Variants in PIK3R4 observed in about 807,000 individuals in gnomAD.
PIK3R4 encodes the protein phosphoinositide 3-kinase regulatory subunit 4.
In PIK3R4, 46 loss-of-function variants were observed where a neutral mutation model predicts 136.5. That is an observed-to-expected ratio of 0.34 (90% CI 0.27 to 0.43). PIK3R4 has a LOEUF of 0.43. Among genes scored for constraint, PIK3R4 ranks in the 20% least tolerant of loss-of-function variants. The pLI is 1.00. For synonymous variants in PIK3R4, 557 were observed against 566.7 expected (o/e 0.98, Z 0.24); for missense variants, 1,331 against 1,649.5 (o/e 0.81, Z 3.35).
intron 12 of PIK3R4, among the ~76,000 whole-genome samples, chr3:130,704,853 CAG>C (rs2066597977): frequency 6.6e-6 from 1 of 151,898 alleles, no homozygotes; most frequent in Non-Finnish European, 1.5e-5. Context: ...TTTTTTGAGA[CAG>C]AGTCTTGCTC....
At chr3:130,700,352 C>T (rs2066568294) in intron 13 of PIK3R4, among the ~76,000 whole-genome samples, 1 of 152,178 alleles carries the variant, frequency 6.6e-6, no homozygotes, top group Non-Finnish European at 1.5e-5. Flanking sequence ...TTTACTACCA[C>T]CCCAATTTCA....
chr3:130,690,935 T>C (rs979028062), intron 13 of PIK3R4, among the ~76,000 whole-genome samples: 8 of 149,676 alleles, frequency 5.3e-5, no homozygotes, highest in Non-Finnish European at 1.2e-4. Context: ...TCTCACTCTG[T>C]TGCCAGGCTG....
intron 13 of PIK3R4, among the ~76,000 whole-genome samples, chr3:130,703,040 A>C (rs1239019123): frequency 6.6e-6 from 1 of 152,156 alleles, no homozygotes; most frequent in Non-Finnish European, 1.5e-5. Flanking sequence ...ATAGTCTTCT[A>C]ACTGCTTCTG....
intron 13 of PIK3R4, among the ~76,000 whole-genome samples, chr3:130,701,007 T>C (rs1284137633): frequency 3.9e-5 from 6 of 152,152 alleles, no homozygotes; most frequent in Non-Finnish European, 8.8e-5. Flanking sequence ...ATTTGGGGGA[T>C]ATTATCTGAA....
chr3:130,687,777 T>C (rs1409701861), intron 14 of PIK3R4, among the ~76,000 whole-genome samples: 1 of 152,202 alleles, frequency 6.6e-6, no homozygotes, highest in East Asian at 1.9e-4. Flanking sequence ...ATGTTAGCTC[T>C]TGTGCCCTTT....
rs201254673 is a variant in PIK3R4, at chr3:130,730,375, A to G, written c.1518T>C (p.Asn506=). The G allele has an allele frequency of 2.1e-4, 331 of 1,602,524 alleles. No homozygotes were observed. The highest frequency in any genetic ancestry group is 3.3e-4 in the Middle Eastern group (2 of 6,034). ...FLELVQLKNL[N]MENDPNNEEI... ...CTTCATTATTGGGGTCATTTTCCATATTAAGATTTTTTAACTGTACTAATT... is the reference window on the plus strand; with the variant it reads ...CTTCATTATTGGGGTCATTTTCCATGTTAAGATTTTTTAACTGTACTAATT... The change falls in exon 5 of 20, where the codon AAT becomes AAC. Residue 506 remains asparagine, a synonymous_variant. Coordinates refer to ENST00000356763, the MANE Select transcript of PIK3R4 (RefSeq NM_014602.3).
intron 18 of PIK3R4, 105 bp downstream of exon 18, chr3:130,680,872 T>C: frequency 1.3e-6 from 1 of 760,018 alleles, no homozygotes; most frequent in Middle Eastern, 2.4e-4. Flanking sequence ...AATAAAGTAT[T>C]AACAGCTGTC....
intron 13 of PIK3R4, among the ~76,000 whole-genome samples, chr3:130,702,737 G>A (rs1055495193): frequency 6.6e-6 from 1 of 152,154 alleles, no homozygotes; most frequent in South Asian, 2.1e-4. Context: ...TACTTATAAA[G>A]TTGTACAAAT....
In PIK3R4 at chr3:130,703,879, G is replaced by T; in HGVS notation, c.2942C>A (p.Pro981His). Residue 981 changes from proline to histidine, a missense_variant, in exon 13 of 20, where the codon CCT (proline) becomes CAT (histidine). Around this residue, in one of 2 missense-constraint regions of PIK3R4, gnomAD observed 1,180 missense variants for 1,407.0 expected, o/e 0.84. Coordinates refer to ENST00000356763, the MANE Select transcript of PIK3R4 (RefSeq NM_014602.3). ...AAGATGGGCAACTAACAGCCCTTTA[G>T]GACGCCATCCTAAGGAAAAGCAAAG... ...ESKPPPPGWR[P>H]KGLLVAHLHE... 1 of 1,609,564 alleles carries T rather than the reference G, an allele frequency of 6.2e-7. No individual in the cohort carries two copies. The highest frequency in any genetic ancestry group is 8.5e-7 in the Non-Finnish European group (1 of 1,177,050).
chr3:130,721,028 C>G (rs574228296), intron 7 of PIK3R4, among the ~76,000 whole-genome samples: 1 of 151,584 alleles, frequency 6.6e-6, no homozygotes, highest in African/African-American at 2.4e-5. Context: ...CAGAGCAAAA[C>G]CCTGTGTCTT....
At chr3:130,693,858 G>A (rs1405167807) in intron 13 of PIK3R4, among the ~76,000 whole-genome samples, 1 of 151,986 alleles carries the variant, frequency 6.6e-6, no homozygotes, top group Non-Finnish European at 1.5e-5. Context: ...CCTAATCCAT[G>A]GTCATGAAGA....
At chr3:130,697,667 A>G (rs2066553817) in intron 13 of PIK3R4, among the ~76,000 whole-genome samples, 1 of 152,194 alleles carries the variant, frequency 6.6e-6, no homozygotes, top group African/African-American at 2.4e-5. Flanking sequence ...AACTATTGTC[A>G]TACAAATTAC....
intron 13 of PIK3R4, among the ~76,000 whole-genome samples, chr3:130,691,709 T>G (rs1441786907): frequency 6.7e-6 from 1 of 149,856 alleles, no homozygotes; most frequent in African/African-American, 2.4e-5. Context: ...GTGTACTAAA[T>G]ACAGAAATGT....
At chr3:130,739,298 G>C (rs952237699) in intron 2 of PIK3R4, among the ~76,000 whole-genome samples, 1 of 152,136 alleles carries the variant, frequency 6.6e-6, no homozygotes, top group Non-Finnish European at 1.5e-5. Flanking sequence ...AGATGGTCTC[G>C]ATCTCCTGAC....
rs373790092 is a variant in PIK3R4, at chr3:130,728,583, G to A, written c.1687C>T (p.Arg563Trp). The change falls in exon 6 of 20, where the codon CGG becomes TGG. Residue 563 changes from arginine (R) to tryptophan (W), a missense_variant. Transcript: ENST00000356763. ...KQTLMENGIT[R>W]LCVFFGRQKA... ...TGACGTCCAAAGAATACACACAGCCGTGTTATTCCATTTTCCATCAAGGTT... is the reference window on the plus strand; with the variant it reads ...TGACGTCCAAAGAATACACACAGCCATGTTATTCCATTTTCCATCAAGGTT... The A allele has an allele frequency of 3.0e-5, 48 of 1,611,764 alleles. No individual in the cohort carries two copies. The highest frequency in any genetic ancestry group is 5.4e-5 in the African/African-American group (4 of 74,534).
intron 9 of PIK3R4, among the ~76,000 whole-genome samples, chr3:130,715,270 C>G (rs1207282724): frequency 3.3e-5 from 5 of 151,862 alleles, no homozygotes; most frequent in African/African-American, 1.2e-4. Context: ...ATTACAGGCA[C>G]ACAACACTAT....
chr3:130,742,013 A>T (rs1031976723), intron 2 of PIK3R4, among the ~76,000 whole-genome samples: 1 of 152,188 alleles, frequency 6.6e-6, no homozygotes, highest in African/African-American at 2.4e-5. Context: ...TGAAAACGAC[A>T]TTATTTGATG....
chr3:130,695,291 G>A (rs1203516471), intron 13 of PIK3R4, among the ~76,000 whole-genome samples: 1 of 152,152 alleles, frequency 6.6e-6, no homozygotes, highest in African/African-American at 2.4e-5. Flanking sequence ...GATGAGTTAA[G>A]AAGTGTTCCC....
At chr3:130,680,914 A>G (rs952649104) in intron 18 of PIK3R4, 63 bp downstream of exon 18, 1 of 851,124 alleles carries the variant, frequency 1.2e-6, no homozygotes, top group Non-Finnish European at 1.9e-6. Context: ...TTACAGTGCC[A>G]TCAGTATCTA....
Sources: allele counts gnomAD v4.1 joint callset (sites outside exome capture counted in the v4.1 genomes callset), GRCh38; gene constraint gnomAD v4.1.1; regional missense constraint gnomAD v4.1.1; transcripts MANE v1.5; gene names NCBI Gene and HGNC (gene_info 2026-07-23, HGNC 2026-07-21).